Variants in KCNJ6 observed in about 807,000 individuals in gnomAD.
KCNJ6 encodes potassium inwardly rectifying channel subfamily J member 6, also known as G protein-activated inward rectifier potassium channel 2.
A neutral mutation model predicts 34.2 loss-of-function variants in KCNJ6; 9 were observed. The ratio of observed to expected loss-of-function variants is 0.26; its 90% CI spans 0.16 to 0.46. The LOEUF is 0.46. Ranked by LOEUF, KCNJ6 falls within the 20% of genes least tolerant of loss-of-function variation. The pLI is 1.00. For synonymous variants in KCNJ6, 196 were observed against 207.1 expected, an observed-to-expected ratio of 0.95 and a Z score of 0.46; for missense variants, 236 against 531.3, an observed-to-expected ratio of 0.44 and a Z score of 5.46.
chr21:37,640,550 T>C lies in KCNJ6; in HGVS notation c.947-15066A>G, dbSNP rs557086552. Among the ~76,000 whole-genome samples, 72 of 152,350 alleles carry C rather than the reference T, an allele frequency of 4.7e-4. 3 individuals carry two copies. In the South Asian group the frequency reaches 0.011, roughly 24 times the overall value. On this transcript the variant is annotated intron_variant, in intron 3 of 3. Transcript: ENST00000609713. ...TTGTAGAATTAGCCTCATTGATCAA[T>C]AGCGTTTGTCCCTTACATCATATGT... is the stretch of plus-strand genomic sequence containing the variant.
chr21:37,913,268 G>A (rs1474829299), intron 1 of KCNJ6, among the ~76,000 whole-genome samples: 2 of 152,180 alleles, frequency 1.3e-5, no homozygotes, highest in Non-Finnish European at 2.9e-5. Flanking sequence ...AACTTGAATG[G>A]TAATAAATCC....
chr21:37,891,051 G>C (rs1226401415), intron 1 of KCNJ6, among the ~76,000 whole-genome samples: 1 of 152,182 alleles, frequency 6.6e-6, no homozygotes, highest in Admixed American at 6.5e-5. Flanking sequence ...CTGATCTCCT[G>C]AATCTAACTG....
intron 3 of KCNJ6, among the ~76,000 whole-genome samples, chr21:37,697,352 A>C (rs1386424006): frequency 6.6e-6 from 1 of 152,148 alleles, no homozygotes; most frequent in Non-Finnish European, 1.5e-5. Context: ...GGTGTGAAGA[A>C]TTTCGATTGG....
intron 2 of KCNJ6, among the ~76,000 whole-genome samples, chr21:37,749,668 A>C (rs1473177651): frequency 6.6e-6 from 1 of 152,210 alleles, no homozygotes; most frequent in Non-Finnish European, 1.5e-5. Flanking sequence ...AGGAGCTAGG[A>C]AAGTTATGTT....
chr21:37,713,720 A>G (rs2054775005), intron 3 of KCNJ6, among the ~76,000 whole-genome samples: 2 of 152,158 alleles, frequency 1.3e-5, no homozygotes, highest in South Asian at 2.1e-4. Flanking sequence ...GATACTAGGC[A>G]CTCACTTCAT....
intron 2 of KCNJ6, among the ~76,000 whole-genome samples, chr21:37,753,684 TTTTCA>T (rs2055008710): frequency 1.3e-5 from 2 of 152,334 alleles, no homozygotes; most frequent in Non-Finnish European, 2.9e-5. Context: ...TCTCTTTTTC[TTTTCA>T]TATTTGTTAG....
intron 3 of KCNJ6, among the ~76,000 whole-genome samples, chr21:37,669,882 AT>A (rs1204121231): frequency 6.6e-6 from 1 of 152,138 alleles, no homozygotes; most frequent in African/African-American, 2.4e-5. Flanking sequence ...ATGAAGTTAT[AT>A]TTATATTTTT....
intron 2 of KCNJ6, among the ~76,000 whole-genome samples, chr21:37,792,328 C>G (rs910883115): frequency 1.3e-5 from 2 of 152,210 alleles, no homozygotes; most frequent in African/African-American, 4.8e-5. Flanking sequence ...GGGCCACTAG[C>G]TGCCCAAATC....
At chr21:37,687,134 G>T (rs570572765) in intron 3 of KCNJ6, among the ~76,000 whole-genome samples, 1 of 152,210 alleles carries the variant, frequency 6.6e-6, no homozygotes, top group East Asian at 1.9e-4. Flanking sequence ...TTCAGTGGCT[G>T]GCTTGGGTTA....
At chr21:37,627,630 G>C (rs896220442) in intron 3 of KCNJ6, among the ~76,000 whole-genome samples, 2 of 152,196 alleles carry the variant, frequency 1.3e-5, no homozygotes, top group African/African-American at 4.8e-5. Flanking sequence ...AGAACAAAAA[G>C]AAATTCTGGG....
At chr21:37,689,476 T>C (rs2054630018) in intron 3 of KCNJ6, among the ~76,000 whole-genome samples, 1 of 152,226 alleles carries the variant, frequency 6.6e-6, no homozygotes, top group Non-Finnish European at 1.5e-5. Context: ...CTCTTTGTTA[T>C]CAGAGCCTCC....
rs529208761 is a variant in KCNJ6, at chr21:37,845,499, G to A, written c.-27-4790C>T. ...CTTATTCACTCATTAACTAATCTTG[G>A]AAGCTCTAATTTTCTCATCTGTGAA... On this transcript the variant is annotated intron_variant, in intron 1 of 3. Coordinates refer to ENST00000609713, the MANE Select transcript of KCNJ6 (RefSeq NM_002240.5). 2.0e-5 allele frequency among the ~76,000 whole-genome samples: 3 copies of A among 152,262 alleles called. No individual in the cohort carries two copies. In the South Asian group the frequency reaches 6.2e-4, roughly 32 times the overall value.
chr21:37,897,572 G>A (rs774843979), intron 1 of KCNJ6, among the ~76,000 whole-genome samples: 4 of 152,186 alleles, frequency 2.6e-5, no homozygotes, highest in Non-Finnish European at 5.9e-5. Context: ...CCTGTGGCCT[G>A]TCCCCATTTC....
chr21:37,896,994 C>T lies in KCNJ6; in HGVS notation c.-28+18890G>A, dbSNP rs140602601. Among the ~76,000 whole-genome samples, 334 of 152,312 alleles carry T rather than the reference C, an allele frequency of 2.2e-3. 1 individual carries two copies. The highest frequency in any genetic ancestry group is 0.014 in the Middle Eastern group (4 of 294). The stretch of plus-strand genomic sequence containing the variant: ...GGCACTGCTGGGGAGGGCCAGAAGC[C>T]GGGGCTCCTGCCAGAGCCAGGAGGG... On this transcript the variant is annotated intron_variant, in intron 1 of 3. Transcript: ENST00000609713.
Position 37,610,298 on chromosome 21 carries a change from T to A in KCNJ6, c.*14861A>T, listed in dbSNP as rs1215196148. The A allele has an allele frequency of 6.6e-6, 1 of 152,172 alleles. No homozygotes were observed. Among genetic ancestry groups the A allele is most frequent in the African/African-American group, 2.4e-5 (1 of 41,436 alleles). The allele number at this position is 152,172 out of a possible 1,614,324, so 9.4% of individuals were successfully genotyped here. On this transcript the variant is annotated 3_prime_UTR_variant, in exon 4 of 4. Coordinates refer to ENST00000609713, the MANE Select transcript of KCNJ6 (RefSeq NM_002240.5). ...ATTAGTCTTTTTGCTTAAGCTTGCA[T>A]GGAATGTTCATCAAGTTAGACTGCA... is the stretch of plus-strand genomic sequence containing the variant.
intron 1 of KCNJ6, among the ~76,000 whole-genome samples, chr21:37,861,333 G>A (rs919737297): frequency 6.6e-6 from 1 of 152,156 alleles, no homozygotes; most frequent in Non-Finnish European, 1.5e-5. Flanking sequence ...TGGGGATGGC[G>A]TCTTCTCCCT....
intron 2 of KCNJ6, among the ~76,000 whole-genome samples, chr21:37,761,132 TGTACGTGTG>T (rs1039328149): frequency 5.3e-4 from 80 of 151,890 alleles, no homozygotes; most frequent in African/African-American, 1.8e-3. Context: ...CTGTATGTGG[TGTACGTGTG>T]GTATGTGTGG....
intron 2 of KCNJ6, among the ~76,000 whole-genome samples, chr21:37,798,987 G>A (rs1363771611): frequency 1.3e-5 from 2 of 152,048 alleles, no homozygotes; most frequent in South Asian, 2.1e-4. Flanking sequence ...CTTGTGTCAC[G>A]GGGGTTTGTT....
chr21:37,879,767 GAGAGAGAC>G (rs2055697941), intron 1 of KCNJ6, among the ~76,000 whole-genome samples: 1 of 151,736 alleles, frequency 6.6e-6, no homozygotes, highest in Non-Finnish European at 1.5e-5. Context: ...GACAGAGAGA[GAGAGAGAC>G]AGAGAGAGAG....
Sources: gnomAD v4.1 joint callset for allele counts (sites outside exome capture counted in the v4.1 genomes callset) on GRCh38, gnomAD v4.1.1 for gene constraint, MANE v1.5 for transcripts, NCBI Gene and HGNC (gene_info 2026-07-23, HGNC 2026-07-21) for gene names.